RAP1A: variants seen among roughly 807,000 people sequenced by gnomAD.
RAP1A encodes ras-related protein Rap-1A.
In RAP1A, 6 loss-of-function variants were observed where a neutral mutation model predicts 26.4. The observed-to-expected ratio is 0.23, with a 90% CI of 0.12 to 0.45. The LOEUF (loss-of-function observed/expected upper bound fraction) is 0.45, where lower values mean the gene tolerates loss of function less well. Among genes scored for constraint, RAP1A ranks in the 20% least tolerant of loss-of-function variants. The probability of loss-of-function intolerance (pLI) is 0.99; values close to 1 mark genes in which losing one functional copy is unlikely to be tolerated. For missense variants in RAP1A, 121 were observed against 217.2 expected (o/e 0.56, Z 2.78); for synonymous variants, 73 against 79.4 (o/e 0.92, Z 0.43).
intron 1 of RAP1A, among the ~76,000 whole-genome samples, chr1:111,588,338 C>G (rs1658417693): frequency 6.6e-6 from 1 of 152,200 alleles, no homozygotes; most frequent in Non-Finnish European, 1.5e-5. Flanking sequence ...TGTTTCTTCT[C>G]TAATCTATCT....
intron 2 of RAP1A, 106 bp from the exon 3 acceptor site, chr1:111,695,235 C>T (rs981924602): frequency 2.2e-4 from 174 of 796,788 alleles, no homozygotes; most frequent in Non-Finnish European, 2.9e-5. Context: ...CGTGTTTACC[C>T]AGAATTTTCA....
intron 1 of RAP1A, among the ~76,000 whole-genome samples, chr1:111,663,558 C>T (rs2101163215): frequency 6.6e-6 from 1 of 152,340 alleles, no homozygotes; most frequent in East Asian, 1.9e-4. Context: ...TTGGTGTTCA[C>T]AGCAACATTG....
chr1:111,602,779 C>T (rs1342372224), intron 1 of RAP1A, among the ~76,000 whole-genome samples: 1 of 152,162 alleles, frequency 6.6e-6, no homozygotes, highest in Admixed American at 6.5e-5. Context: ...AAGGTGGATA[C>T]AAATAAGACC....
intron 1 of RAP1A, among the ~76,000 whole-genome samples, chr1:111,558,467 A>G (rs1163639093): frequency 6.6e-6 from 1 of 152,154 alleles, no homozygotes; most frequent in Non-Finnish European, 1.5e-5. Flanking sequence ...GACTACAGGC[A>G]TAAGCCAAAG....
intron 1 of RAP1A, among the ~76,000 whole-genome samples, chr1:111,573,741 G>A (rs1029702167): frequency 1.3e-5 from 2 of 152,084 alleles, no homozygotes; most frequent in African/African-American, 4.8e-5. Flanking sequence ...TTATATGCTT[G>A]TTGGCCACAT....
At chr1:111,709,062 A>G in intron 6 of RAP1A, 87 bp from the exon 7 acceptor site, 1 of 1,455,216 alleles carries the variant, frequency 6.9e-7, no homozygotes, top group Non-Finnish European at 9.1e-7. Flanking sequence ...CAGATCTAAG[A>G]CCAGAATAGT....
intron 1 of RAP1A, among the ~76,000 whole-genome samples, chr1:111,607,039 T>TTTA (rs1246341026): frequency 0.017 from 2,136 of 125,378 alleles, 44 homozygotes; most frequent in African/African-American, 0.058. Flanking sequence ...TTATTTATTT[T>TTTA]TATTGATTAT....
chr1:111,586,786 T>A (rs942611077), intron 1 of RAP1A, among the ~76,000 whole-genome samples: 26 of 152,182 alleles, frequency 1.7e-4, no homozygotes, highest in African/African-American at 6.3e-4. Context: ...TAATTGGGAA[T>A]GTTGAGAAGG....
intron 1 of RAP1A, among the ~76,000 whole-genome samples, chr1:111,684,292 G>A (rs1443101649): frequency 2.0e-5 from 3 of 152,110 alleles, no homozygotes; most frequent in African/African-American, 7.2e-5. Flanking sequence ...TGGAAGTTCT[G>A]GCCAAGGCAG....
upstream of RAP1A, among the ~76,000 whole-genome samples, chr1:111,617,859 C>A (rs1433752600): frequency 6.6e-6 from 1 of 151,710 alleles, no homozygotes; most frequent in African/African-American, 2.4e-5. Flanking sequence ...GCCTGGCCAA[C>A]GTGGAGAAAC....
At chr1:111,653,912 A>G (rs1030584884) in intron 1 of RAP1A, among the ~76,000 whole-genome samples, 3 of 152,146 alleles carry the variant, frequency 2.0e-5, no homozygotes, top group Non-Finnish European at 4.4e-5. Context: ...TGGTTAAGGC[A>G]TTACTTAGGA....
intron 1 of RAP1A, among the ~76,000 whole-genome samples, chr1:111,660,584 C>G (rs557906359): frequency 2.6e-5 from 4 of 152,278 alleles, no homozygotes; most frequent in Admixed American, 1.3e-4. Context: ...CTATCTCTTG[C>G]ATTATTTCAG....
At chr1:111,703,967 T>A (rs9970762) in intron 5 of RAP1A, among the ~76,000 whole-genome samples, 21,419 of 152,034 alleles carry the variant, frequency 0.14, 2,434 homozygotes, top group African/African-American at 0.32. Context: ...CCTGGCTGAT[T>A]GTTTTTGAAT....
Position 111,655,008 on chromosome 1 carries a change from C to T in RAP1A, c.-28+35074C>T, listed in dbSNP as rs13374039. Among the ~76,000 whole-genome samples the T allele has an allele frequency of 6.9e-3, 1,047 of 151,626 alleles. 9 individuals are homozygous for T. Among genetic ancestry groups the T allele is most frequent in the African/African-American group, 0.024 (1,005 of 41,268 alleles). ...CTGTGATCGTGCCACTGCACTCCAG[C>T]GGTGACAGAGTGAGACCCTGTCTGA... On this transcript the variant is annotated intron_variant, in intron 1 of 7. Coordinates refer to ENST00000369709, the MANE Select transcript of RAP1A (RefSeq NM_002884.4).
chr1:111,547,792 A>G (rs866803248), intron 1 of RAP1A, among the ~76,000 whole-genome samples: 1 of 152,176 alleles, frequency 6.6e-6, no homozygotes, highest in Non-Finnish European at 1.5e-5. Flanking sequence ...AAGCAGGAGC[A>G]TTGTCATGGT....
Position 111,703,485 on chromosome 1 carries a change from T to A in RAP1A, c.324+9T>A. ...TTAAGGACACGGAAGATGTAAGTAT[T>A]TTTTCTCTCTGTAAGATGTTATGCC... On this transcript the variant is annotated intron_variant, in intron 5 of 7. Coordinates refer to ENST00000369709, the MANE Select transcript of RAP1A (RefSeq NM_002884.4). 6.4e-7 allele frequency: 1 copy of A among 1,573,444 alleles called. No homozygotes were observed. Among genetic ancestry groups the A allele is most frequent in the South Asian group, 1.2e-5 (1 of 84,374 alleles).
chr1:111,594,802 G>A (rs1285311393), intron 1 of RAP1A, among the ~76,000 whole-genome samples: 1 of 152,000 alleles, frequency 6.6e-6, no homozygotes, highest in African/African-American at 2.4e-5. Flanking sequence ...GCATATTCTT[G>A]GCCTCTGAAG....
intron 4 of RAP1A, among the ~76,000 whole-genome samples, chr1:111,699,226 A>G (rs1661936931): frequency 6.6e-6 from 1 of 152,086 alleles, no homozygotes; most frequent in Non-Finnish European, 1.5e-5. Context: ...CACTGATTCA[A>G]TCAGAATTCT....
At chr1:111,635,587 CAG>C (rs1478752071) in intron 1 of RAP1A, among the ~76,000 whole-genome samples, 2 of 151,532 alleles carry the variant, frequency 1.3e-5, no homozygotes, top group Non-Finnish European at 2.9e-5. Flanking sequence ...GTTTCTGAAA[CAG>C]TGTCTCACTC....
Sources: gnomAD v4.1 joint callset for allele counts (sites outside exome capture counted in the v4.1 genomes callset) on GRCh38, gnomAD v4.1.1 for gene constraint, MANE v1.5 for transcripts, NCBI Gene and HGNC (gene_info 2026-07-23, HGNC 2026-07-21) for gene names.